The following C4orf51 variants were observed in gnomAD, a reference collection of about 807,000 sequenced individuals.
C4orf51 encodes chromosome 4 open reading frame 51.
Under a neutral mutation model 25.2 loss-of-function variants are expected in C4orf51, and 25 were observed. The observed-to-expected ratio is 0.99, with a 90% CI of 0.72 to 1.39. C4orf51 has a LOEUF of 1.39. Among genes scored for constraint, C4orf51 ranks in the 40% most tolerant of loss-of-function variants. The pLI is 0.00. For missense variants in C4orf51, 252 were observed against 239.6 expected (o/e 1.05, Z -0.34); for synonymous variants, 100 against 84.5 (o/e 1.18, Z -1.01).
At chr4:145,768,890 A>AATATATATATAT (rs1553975846) in intron 1 of C4orf51, among the ~76,000 whole-genome samples, 1 of 7,724 alleles carries the variant, frequency 1.3e-4, no homozygotes, top group African/African-American at 3.5e-4. Flanking sequence ...AAAAAAAAAA[A>AATATATATATAT]ATATATATAT....
chr4:145,765,280 A>C lies in C4orf51; in HGVS notation n.167-5708A>C. 8.4e-7 allele frequency: 1 copy of C among 1,185,192 alleles called. No individual in the cohort carries two copies. The highest frequency in any genetic ancestry group is 1.6e-5 in the South Asian group (1 of 62,534). The allele number at this position is 1,185,192 out of a possible 1,614,324, so 73.4% of individuals were successfully genotyped here. ...GCCTCCTCCGACGCCTGACAGCTAT[A>C]CCCTTCCAGGCACTGTTCCCCATAT... On this transcript the variant is annotated intron_variant and non_coding_transcript_variant, in intron 1 of 1. Coordinates refer to the C4orf51 transcript ENST00000510096. This position sits in a 1 kb window ranked among gnomAD's most constrained non-coding sequence, Gnocchi z 4.7.
chr4:145,716,986 C>T (rs1731452415), intron 2 of C4orf51, among the ~76,000 whole-genome samples: 1 of 152,154 alleles, frequency 6.6e-6, no homozygotes, highest in Non-Finnish European at 1.5e-5. Context: ...CAAGTCTGAG[C>T]CTGTGTTTGG....
chr4:145,696,521 T>C, intron 1 of C4orf51, 38 bp from the exon 2 acceptor site: 1 of 1,519,862 alleles, frequency 6.6e-7, no homozygotes, highest in Non-Finnish European at 9.1e-7. Flanking sequence ...TATAAATCCA[T>C]AAATTTGTAA....
the C4orf51 span, chr4:145,776,094 C>A: frequency 3.0e-6 from 3 of 988,538 alleles, no homozygotes; most frequent in South Asian, 1.6e-5. Context: ...ATGGTAATGC[C>A]TAGGAATTGT....
chr4:145,729,185 AT>A lies in C4orf51; in HGVS notation c.387del (p.Phe129LeufsTer16). On this transcript the variant is annotated frameshift_variant, in exon 4 of 6. Coordinates refer to ENST00000438731, the MANE Select transcript of C4orf51 (RefSeq NM_001080531.3). LOFTEE classifies it high-confidence loss of function. ...TTTTTATAGGCACATCAAATTTGGG[AT>A]TTTGGTGATTGTTTTCCGACACCTC... ...VKHGVAHQIW[D>X]FGDCFPTPPN... 6.2e-7 allele frequency: 1 copy of A among 1,604,988 alleles called. No individual in the cohort carries two copies. The highest frequency in any genetic ancestry group is 8.5e-7 in the Non-Finnish European group (1 of 1,174,214).
chr4:145,715,975 A>G (rs1731387331), intron 2 of C4orf51, among the ~76,000 whole-genome samples: 1 of 152,218 alleles, frequency 6.6e-6, no homozygotes, highest in African/African-American at 2.4e-5. Context: ...AACTAAGAAG[A>G]TAAACCAAAA....
chr4:145,790,064 C>G, the C4orf51 span, among the ~76,000 whole-genome samples: 2 of 152,184 alleles, frequency 1.3e-5, no homozygotes, highest in Non-Finnish European at 2.9e-5. Context: ...GAATGAGACC[C>G]TTATAGTCTG....
At chr4:145,754,781 T>C (rs536956678), downstream of C4orf51, among the ~76,000 whole-genome samples, 48 of 152,060 alleles carry the variant, frequency 3.2e-4, no homozygotes, top group African/African-American at 1.2e-3. Flanking sequence ...CTAAAAAATA[T>C]AAAAATTAGC....
chr4:145,750,412 G>GTTTTTT (rs55700691), intron 1 of C4orf51, among the ~76,000 whole-genome samples: 1 of 108,132 alleles, frequency 9.2e-6, no homozygotes, highest in African/African-American at 3.6e-5. Flanking sequence ...TAGGGTAAAA[G>GTTTTTT]TTTTTTTTTT....
chr4:145,732,449 C>T lies in C4orf51; in HGVS notation c.502-4C>T, dbSNP rs780263060. On this transcript the variant is annotated splice_polypyrimidine_tract_variant and splice_region_variant and intron_variant, in intron 5 of 5. Transcript: ENST00000438731. ...GTGTTGACAACCAGGCCATTTTTCTCCAGCTTCATGGACGGTGCGATTCTG... is the reference window on the plus strand; with the variant it reads ...GTGTTGACAACCAGGCCATTTTTCTTCAGCTTCATGGACGGTGCGATTCTG... 6.2e-7 allele frequency: 1 copy of T among 1,603,404 alleles called. No homozygotes were observed. Among genetic ancestry groups the T allele is most frequent in the African/African-American group, 1.3e-5 (1 of 74,646 alleles).
At chr4:145,788,187 A>G in the C4orf51 span, among the ~76,000 whole-genome samples, 2 of 152,220 alleles carry the variant, frequency 1.3e-5, no homozygotes, top group Non-Finnish European at 2.9e-5. Context: ...GTGCTAGGTA[A>G]CAGCTTAAAA....
At chr4:145,692,660 C>T (rs970360032) in intron 1 of C4orf51, among the ~76,000 whole-genome samples, 25 of 152,130 alleles carry the variant, frequency 1.6e-4, no homozygotes, top group Admixed American at 1.4e-3. Context: ...TTTTAGGGCT[C>T]GTTAGGCTGA....
rs1217473490 is a variant in C4orf51, at chr4:145,683,729, A to G, written c.233+3293A>G. 2.0e-5 allele frequency among the ~76,000 whole-genome samples: 3 copies of G among 152,368 alleles called. No homozygotes were observed. The East Asian group carries it at 5.8e-4, about 29-fold the overall frequency. On this transcript the variant is annotated intron_variant, in intron 1 of 5. Transcript: ENST00000438731. ...TTAACTAAGACACAGACCTTATACC[A>G]TTCACAAAAATTAACTCAAAATGGA...
intron 5 of C4orf51, among the ~76,000 whole-genome samples, chr4:145,731,310 G>A (rs1013092587): frequency 9.9e-5 from 15 of 152,070 alleles, no homozygotes; most frequent in African/African-American, 3.6e-4. Context: ...CTCTCTGTAA[G>A]GTGCTTCCCC....
chr4:145,688,200 T>TAAAAAAAAAAAAAAAAAAAAAA (rs554716520), intron 1 of C4orf51, among the ~76,000 whole-genome samples: 1 of 98,830 alleles, frequency 1.0e-5, no homozygotes, highest in Non-Finnish European at 2.0e-5. Flanking sequence ...GATCCTACCT[T>TAAAAAAAAAAAAAAAAAAAAAA]AAAAAAAAAA....
chr4:145,690,749 C>A (rs1342259282), intron 1 of C4orf51, among the ~76,000 whole-genome samples: 1 of 152,132 alleles, frequency 6.6e-6, no homozygotes, highest in Non-Finnish European at 1.5e-5. Flanking sequence ...CAAAGGACTA[C>A]TATCCAGAAT....
At chr4:145,690,232 G>A (rs1380191891) in intron 1 of C4orf51, among the ~76,000 whole-genome samples, 3 of 151,684 alleles carry the variant, frequency 2.0e-5, no homozygotes, top group Admixed American at 6.6e-5. Flanking sequence ...TAGGCTGGGC[G>A]CGGTGGCTAA....
chr4:145,707,272 T>C (rs768580749), intron 2 of C4orf51, among the ~76,000 whole-genome samples: 1 of 152,242 alleles, frequency 6.6e-6, no homozygotes, highest in East Asian at 1.9e-4. Flanking sequence ...AAATCTCTTC[T>C]TTATAACCTT....
At chr4:145,706,895 T>G (rs897005558) in intron 2 of C4orf51, among the ~76,000 whole-genome samples, 5 of 145,076 alleles carry the variant, frequency 3.4e-5, no homozygotes, top group African/African-American at 1.3e-4. Flanking sequence ...CACTGCAACC[T>G]CCACCTCCCG....
Sources: gnomAD v4.1 joint callset for allele counts (sites outside exome capture counted in the v4.1 genomes callset) on GRCh38, gnomAD v4.1.1 for gene constraint, Gnocchi (gnomAD v3.1) non-coding constraint, MANE v1.5 for transcripts, NCBI Gene and HGNC (gene_info 2026-07-23, HGNC 2026-07-21) for gene names.